The following LMTK2 variants were observed in gnomAD, a reference collection of about 807,000 sequenced individuals.
LMTK2 encodes the protein serine/threonine-protein kinase LMTK2.
LMTK2 carries 37 observed loss-of-function variants against 127.5 expected under a neutral mutation model. The observed-to-expected ratio is 0.29, with a 90% CI of 0.22 to 0.38. The LOEUF (loss-of-function observed/expected upper bound fraction) is 0.38, where lower values mean the gene tolerates loss of function less well. Among genes scored for constraint, LMTK2 ranks in the 10% least tolerant of loss-of-function variants. LMTK2 has a pLI of 1.00. For missense variants in LMTK2, 1,694 were observed against 1,920.3 expected (o/e 0.88, Z 2.20); for synonymous variants, 819 against 810.1 (o/e 1.01, Z -0.19).
chr7:98,154,652 T>C (rs552266067), intron 4 of LMTK2, 106 bp from the exon 5 acceptor site: 1 of 703,896 alleles, frequency 1.4e-6, no homozygotes, highest in Admixed American at 2.5e-5. Flanking sequence ...GAAGGTCACC[T>C]GCTTATTGCT....
At position 98,140,157 on chromosome 7, in the gene LMTK2, CTTTTCT is replaced by C. The variant is rs1796667586; in HGVS notation, c.232-1236_232-1231del. On this transcript the variant is annotated intron_variant, in intron 2 of 13. Coordinates refer to ENST00000297293, the MANE Select transcript of LMTK2 (RefSeq NM_014916.4). ...TTCTTTCTTTCTTTTCTTTTCTTTTCTTTTCTTTTCTTTTCTTTCTTTTCTTTCTTC... is the reference window on the plus strand; with the variant it reads ...TTCTTTCTTTCTTTTCTTTTCTTTTCTTTCTTTTCTTTCTTTTCTTTCTTC... Among the ~76,000 whole-genome samples, 6 of 57,616 alleles carry C rather than the reference CTTTTCT, an allele frequency of 1.0e-4. 1 individual carries two copies. The highest frequency in any genetic ancestry group is 7.8e-4 in the African/African-American group (5 of 6,422). 37.8% of individuals were successfully genotyped at this position (57,616 alleles called of 152,430 possible).
intron 1 of LMTK2, among the ~76,000 whole-genome samples, chr7:98,129,229 C>A (rs2116344509): frequency 6.6e-6 from 1 of 152,176 alleles, no homozygotes; most frequent in East Asian, 1.9e-4. Flanking sequence ...GGACTACAGG[C>A]TCATGCCACC....
intron 1 of LMTK2, among the ~76,000 whole-genome samples, chr7:98,122,916 C>T (rs1159288759): frequency 6.6e-6 from 1 of 152,010 alleles, no homozygotes; most frequent in Non-Finnish European, 1.5e-5. Flanking sequence ...CCTATCAGCT[C>T]TGTTTCTTTG....
At position 98,193,973 on chromosome 7, in the gene LMTK2, A is replaced by G. The variant is rs759494159; in HGVS notation, c.3508A>G (p.Asn1170Asp). 1 of 1,614,092 alleles carries G rather than the reference A, an allele frequency of 6.2e-7. No homozygotes were observed. Among genetic ancestry groups the G allele is most frequent in the Non-Finnish European group, 8.5e-7 (1 of 1,180,042 alleles). Residue 1170 changes from asparagine to aspartate, a missense_variant, in exon 11 of 14, where the codon AAC (asparagine) becomes GAC (aspartate). By Grantham distance (23) the Asn-to-Asp change is conservative (BLOSUM62 1). This residue lies in a region of LMTK2 where 554 missense variants were observed against 567.7 expected (regional missense o/e 0.98). Coordinates refer to ENST00000297293, the MANE Select transcript of LMTK2 (RefSeq NM_014916.4). This position sits in a 1 kb window ranked among gnomAD's most constrained non-coding sequence, Gnocchi z 4.1. Reference sequence around the variant, plus strand: ...TGAAAGTTGTCTGTCTGCTTTGCACAACTCCAGTGACCTGGAATTAAGAGC... The same window carrying G: ...TGAAAGTTGTCTGTCTGCTTTGCACGACTCCAGTGACCTGGAATTAAGAGC... ...PDESCLSALH[N>D]SSDLELRATP... is the part of the protein sequence containing the mutation.
chr7:98,134,501 G>A (rs1337664533), intron 1 of LMTK2, among the ~76,000 whole-genome samples: 2 of 152,170 alleles, frequency 1.3e-5, no homozygotes, highest in Non-Finnish European at 2.9e-5. Flanking sequence ...TGCATCGGGA[G>A]TGAAGCACAG....
chr7:98,193,507 A>G lies in LMTK2; in HGVS notation c.3042A>G (p.Gly1014=). ...ACGAAGCGCTACTGGACTCTTTAGG[A>G]TCTCACACTCCCCAGAAACTAGTGC... ...DVHEALLDSL[G]SHTPQKLVPP... The change falls in exon 11 of 14, where the codon GGA becomes GGG. Residue 1014 remains glycine, a synonymous_variant. Coordinates refer to ENST00000297293, the MANE Select transcript of LMTK2 (RefSeq NM_014916.4). The surrounding 1 kb of genome is among the most constrained non-coding windows in gnomAD (Gnocchi z 4.1). The G allele has an allele frequency of 6.2e-7, 1 of 1,613,930 alleles. No homozygotes were observed. The highest frequency in any genetic ancestry group is 8.5e-7 in the Non-Finnish European group (1 of 1,179,976).
chr7:98,119,831 C>A (rs547272160), intron 1 of LMTK2, among the ~76,000 whole-genome samples: 3 of 152,220 alleles, frequency 2.0e-5, no homozygotes, highest in African/African-American at 7.2e-5. Context: ...CGGTAACTTG[C>A]AGGGTGTTTT....
chr7:98,118,501 T>A (rs1444997958), intron 1 of LMTK2, among the ~76,000 whole-genome samples: 1 of 152,206 alleles, frequency 6.6e-6, no homozygotes, highest in Non-Finnish European at 1.5e-5. Flanking sequence ...CTTGCTTTGA[T>A]CTGTTTACTG....
At chr7:98,113,995 G>A (rs1796241750) in intron 1 of LMTK2, among the ~76,000 whole-genome samples, 1 of 148,032 alleles carries the variant, frequency 6.8e-6, no homozygotes. Context: ...TTATTGTATT[G>A]TGATTCAGGT....
In LMTK2 at chr7:98,208,272, G is replaced by A. The variant is rs1797839339; in HGVS notation, c.*2780G>A. On this transcript the variant is annotated 3_prime_UTR_variant, in exon 14 of 14. Coordinates refer to ENST00000297293, the MANE Select transcript of LMTK2 (RefSeq NM_014916.4). ...GAGATTTTATATTTATAATCAACAC[G>A]TGGGTTAACATGTTTTTTTGAAATC... is the stretch of plus-strand genomic sequence containing the variant. 6.6e-6 allele frequency: 1 copy of A among 152,124 alleles called. No homozygotes were observed. Among genetic ancestry groups the A allele is most frequent in the African/African-American group, 2.4e-5 (1 of 41,412 alleles). The allele number at this position is 152,124 out of a possible 1,614,324, so 9.4% of individuals were successfully genotyped here.
intron 5 of LMTK2, among the ~76,000 whole-genome samples, chr7:98,158,906 C>A (rs1004808130): frequency 2.0e-5 from 3 of 151,970 alleles, no homozygotes; most frequent in Non-Finnish European, 2.9e-5. Flanking sequence ...GATAAAAATT[C>A]TTGAGGCCAG....
At position 98,194,006 on chromosome 7, in the gene LMTK2, G is replaced by A; in HGVS notation, c.3541G>A (p.Glu1181Lys). The change falls in exon 11 of 14, where the codon GAG becomes AAG. Residue 1181 changes from glutamate to lysine, a missense_variant. Coordinates refer to ENST00000297293, the MANE Select transcript of LMTK2 (RefSeq NM_014916.4). The surrounding 1 kb of genome is among the most constrained non-coding windows in gnomAD (Gnocchi z 5.4). The part of the protein sequence containing the change: ...SSDLELRATP[E>K]PAQTGVPQQV... ...TGACCTGGAATTAAGAGCCACGCCG[G>A]AGCCAGCACAGACTGGTGTTCCCCA... 1 of 1,614,138 alleles carries A rather than the reference G, an allele frequency of 6.2e-7. No individual in the cohort carries two copies. The highest frequency in any genetic ancestry group is 8.5e-7 in the Non-Finnish European group (1 of 1,180,050).
intron 1 of LMTK2, among the ~76,000 whole-genome samples, chr7:98,128,094 A>G (rs1171824703): frequency 6.6e-6 from 1 of 152,202 alleles, no homozygotes; most frequent in African/African-American, 2.4e-5. Context: ...CAGTGAGCCA[A>G]GATCGCGCCA....
rs1034395043 is a variant in LMTK2, at chr7:98,192,752, T to C, written c.2287T>C (p.Cys763Arg). The change falls in exon 11 of 14, where the codon TGT becomes CGT. Residue 763 changes from cysteine to arginine, a missense_variant. By Grantham distance (180) the Cys-to-Arg change is radical. Transcript: ENST00000297293. Reference sequence around the variant, plus strand: ...TACTGAAGCTATGTTAGAAACGTCATGTAGAAACTCTTTAGATACTGAGCT... The same window carrying C: ...TACTGAAGCTATGTTAGAAACGTCACGTAGAAACTCTTTAGATACTGAGCT... The part of the protein sequence containing the change: ...GFTEAMLETS[C>R]RNSLDTELQF... 7.4e-6 allele frequency: 12 copies of C among 1,613,694 alleles called. No individual in the cohort carries two copies. Among genetic ancestry groups the C allele is most frequent in the South Asian group, 1.1e-5 (1 of 90,966 alleles).
At chr7:98,139,518 A>C (rs1249028191) in intron 2 of LMTK2, among the ~76,000 whole-genome samples, 1 of 152,194 alleles carries the variant, frequency 6.6e-6, no homozygotes, top group Non-Finnish European at 1.5e-5. Context: ...GAATGGCATT[A>C]TTTTAAGGTA....
At chr7:98,182,781 A>G (rs1239365965) in intron 7 of LMTK2, among the ~76,000 whole-genome samples, 2 of 152,256 alleles carry the variant, frequency 1.3e-5, no homozygotes, top group Non-Finnish European at 2.9e-5. Flanking sequence ...GATAATTTGT[A>G]CACCCATGTT....
intron 1 of LMTK2, among the ~76,000 whole-genome samples, chr7:98,133,921 G>A (rs1433880125): frequency 6.6e-6 from 1 of 152,102 alleles, no homozygotes; most frequent in African/African-American, 2.4e-5. Flanking sequence ...AAAAACTCTG[G>A]GTGCAAGAGA....
intron 3 of LMTK2, among the ~76,000 whole-genome samples, chr7:98,146,056 T>C (rs1796768713): frequency 6.6e-6 from 1 of 152,192 alleles, no homozygotes; most frequent in African/African-American, 2.4e-5. Context: ...TAACAGTGTT[T>C]GAGAGACTGT....
intron 5 of LMTK2, among the ~76,000 whole-genome samples, chr7:98,158,846 C>T (rs1013868132): frequency 6.6e-6 from 1 of 152,140 alleles, no homozygotes; most frequent in Non-Finnish European, 1.5e-5. Flanking sequence ...ATAGTCTGCC[C>T]TCTTTTAAAT....
Sources: gnomAD v4.1 joint callset for allele counts (sites outside exome capture counted in the v4.1 genomes callset) on GRCh38, gnomAD v4.1.1 for gene constraint, gnomAD v4.1.1 regional missense constraint, Gnocchi (gnomAD v3.1) non-coding constraint, MANE v1.5 for transcripts, NCBI Gene and HGNC (gene_info 2026-07-23, HGNC 2026-07-21) for gene names.